YTHDC2: variants seen among roughly 807,000 people sequenced by gnomAD.
YTHDC2 encodes YTH N6-methyladenosine RNA binding protein C2.
In YTHDC2, 45 loss-of-function variants were observed where a neutral mutation model predicts 174.9. The ratio of observed to expected loss-of-function variants is 0.26; its 90% confidence interval spans 0.20 to 0.33. The LOEUF (loss-of-function observed/expected upper bound fraction) is 0.33. YTHDC2 is among the 10% of genes least tolerant of loss of function. The pLI, the probability that YTHDC2 is intolerant of heterozygous loss-of-function variation, is 1.00. For missense variants in YTHDC2, 1,650 were observed against 1,723.7 expected (o/e 0.96, Z 0.76); for synonymous variants, 657 against 574.5 (o/e 1.14, Z -2.05).
chr5:113,589,976 A>G (rs1169838388), intron 26 of YTHDC2, among the ~76,000 whole-genome samples: 1 of 152,150 alleles, frequency 6.6e-6, no homozygotes, highest in Non-Finnish European at 1.5e-5. Flanking sequence ...ATGCAAGTAC[A>G]AATTTTATAT....
intron 27 of YTHDC2, 71 bp downstream of exon 27, chr5:113,591,315 AC>A: frequency 6.7e-7 from 1 of 1,501,096 alleles, no homozygotes; most frequent in African/African-American, 1.4e-5. Context: ...TTTTAGAAAA[AC>A]AACTGGCTTT....
intron 9 of YTHDC2, among the ~76,000 whole-genome samples, chr5:113,541,734 T>C (rs1054889296): frequency 2.0e-5 from 3 of 152,092 alleles, no homozygotes; most frequent in African/African-American, 7.2e-5. Flanking sequence ...TAAAAATTGG[T>C]AATAAAAATT....
In YTHDC2 at chr5:113,569,578, C is replaced by T. The variant is rs143992855; in HGVS notation, c.3244+1729C>T. On this transcript the variant is annotated intron_variant, in intron 23 of 29. Transcript: ENST00000161863. ...TCTGCATATAGCTAACCAGTTCTTT[C>T]AGCACCATTTGTTAAATAAGGAGTC... Among the ~76,000 whole-genome samples the T allele has an allele frequency of 3.0e-3, 461 of 152,324 alleles. 3 individuals are homozygous for T. The highest frequency in any genetic ancestry group is 0.01 in the African/African-American group (428 of 41,582).
Position 113,591,118 on chromosome 5 carries a change from T to G in YTHDC2, c.3903T>G (p.Leu1301=), listed in dbSNP as rs143247833. The change falls in exon 27 of 30, where the codon CTT becomes CTG. Residue 1301 remains leucine (L), a synonymous_variant. Transcript: ENST00000161863. ...FIMKSSNLRN[L]EISQQKGIWS... ...TGAAGAGTAGCAATTTGAGAAACCT[T>G]GAAATTTCTCAACAGAAGGGTATCT... is the stretch of plus-strand genomic sequence containing the variant. 1 of 1,613,916 alleles carries G rather than the reference T, an allele frequency of 6.2e-7. No homozygotes were observed. Among genetic ancestry groups the G allele is most frequent in the Non-Finnish European group, 8.5e-7 (1 of 1,179,876 alleles).
Position 113,553,806 on chromosome 5 carries a change from C to G in YTHDC2, c.2004C>G (p.Ser668=). Reference sequence around the variant, plus strand: ...TGCTTCATTCAAATATGCAAACATCCGATCAAAAGAAAGTATTAAAAAACC... The same window carrying G: ...TGCTTCATTCAAATATGCAAACATCGGATCAAAAGAAAGTATTAAAAAACC... ...VFMLHSNMQT[S]DQKKVLKNPP... is the part of the protein sequence containing the mutation. Residue 668 remains serine (S), a synonymous_variant, in exon 15 of 30, where the codon TCC becomes TCG. Transcript: ENST00000161863. 1 of 1,612,208 alleles carries G rather than the reference C, an allele frequency of 6.2e-7. No homozygotes were observed. The highest frequency in any genetic ancestry group is 8.5e-7 in the Non-Finnish European group (1 of 1,179,294).
chr5:113,529,223 G>A (rs1023349628), intron 4 of YTHDC2, among the ~76,000 whole-genome samples: 1 of 152,064 alleles, frequency 6.6e-6, no homozygotes, highest in Non-Finnish European at 1.5e-5. Context: ...AGACATGGAG[G>A]TTTTATCTTT....
At chr5:113,533,414 T>C (rs948622190) in intron 5 of YTHDC2, among the ~76,000 whole-genome samples, 2 of 150,970 alleles carry the variant, frequency 1.3e-5, no homozygotes, top group African/African-American at 4.9e-5. Context: ...CCGGGCTTGG[T>C]GGTGCATGCC....
Position 113,579,656 on chromosome 5 carries a change from G to A in YTHDC2, c.3315G>A (p.Leu1105=). ...AAACTACAGCTAATTTGGCAGCCTT[G>A]AAACTTGATGAGTGGCTCCATTTCA... The part of the protein sequence containing the change: ...EDKTTANLAA[L]KLDEWLHFTL... Residue 1105 remains leucine (L), a synonymous_variant, in exon 24 of 30, where the codon TTG becomes TTA. Coordinates refer to ENST00000161863, the MANE Select transcript of YTHDC2 (RefSeq NM_022828.5). The A allele has an allele frequency of 1.2e-6, 2 of 1,610,326 alleles. No homozygotes were observed. Among genetic ancestry groups the A allele is most frequent in the Non-Finnish European group, 1.7e-6 (2 of 1,177,982 alleles).
chr5:113,514,143 C>G lies in YTHDC2; in HGVS notation c.187+61C>G, dbSNP rs933597535. On this transcript the variant is annotated intron_variant, in intron 1 of 29. Coordinates refer to ENST00000161863, the MANE Select transcript of YTHDC2 (RefSeq NM_022828.5). Reference sequence around the variant, plus strand: ...GATACCCCCCTCACCCCAGCGCCCCCCAAACGGCGGCCCACCGAGTGATGG... The same window carrying G: ...GATACCCCCCTCACCCCAGCGCCCCGCAAACGGCGGCCCACCGAGTGATGG... The G allele has an allele frequency of 2.7e-5, 42 of 1,550,246 alleles. No individual in the cohort carries two copies. The African/African-American group carries it at 4.1e-4, about 15-fold the overall frequency.
At chr5:113,524,676 A>C (rs1233469649) in intron 2 of YTHDC2, among the ~76,000 whole-genome samples, 1 of 152,124 alleles carries the variant, frequency 6.6e-6, no homozygotes, top group Non-Finnish European at 1.5e-5. Context: ...TATCATATTA[A>C]CTGGTGATGT....
chr5:113,577,477 C>T lies in YTHDC2; in HGVS notation c.3245-2109C>T, dbSNP rs113054342. ...CTCTGTCTCCCAGGCTCAAGTGATC[C>T]TCCCACCTCAGTCTCTCGAGTAGCT... On this transcript the variant is annotated intron_variant, in intron 23 of 29. Transcript: ENST00000161863. 2.1e-3 allele frequency among the ~76,000 whole-genome samples: 313 copies of T among 152,224 alleles called. 2 individuals carry two copies. Among genetic ancestry groups the T allele is most frequent in the African/African-American group, 7.1e-3 (294 of 41,548 alleles).
chr5:113,578,985 AT>A (rs1184202025), intron 23 of YTHDC2, among the ~76,000 whole-genome samples: 1 of 151,892 alleles, frequency 6.6e-6, no homozygotes, highest in Admixed American at 6.6e-5. Flanking sequence ...TTATAATCTC[AT>A]TTTCACCTAA....
intron 26 of YTHDC2, among the ~76,000 whole-genome samples, chr5:113,590,439 G>T (rs953299360): frequency 3.2e-4 from 48 of 152,222 alleles, no homozygotes; most frequent in Non-Finnish European, 6.8e-4. Flanking sequence ...GGAATTGTTT[G>T]GTCTACTTGT....
rs367986446 is a variant in YTHDC2, at chr5:113,593,671, A to G, written c.*197A>G. The stretch of plus-strand genomic sequence containing the variant: ...TTTATAGTGATTATAGAGAATGATT[A>G]TATGATGTTTGTAATGAATAAAATA... On this transcript the variant is annotated 3_prime_UTR_variant, in exon 30 of 30. Coordinates refer to ENST00000161863, the MANE Select transcript of YTHDC2 (RefSeq NM_022828.5). The G allele has an allele frequency of 3.1e-4, 68 of 217,016 alleles. No individual in the cohort carries two copies. In the East Asian group the frequency reaches 4.0e-3, roughly 13 times the overall value. The allele number at this position is 217,016 out of a possible 1,614,324, so 13.4% of individuals were successfully genotyped here.
intron 5 of YTHDC2, among the ~76,000 whole-genome samples, chr5:113,533,300 TG>T (rs750161500): frequency 7.3e-4 from 111 of 151,960 alleles, no homozygotes; most frequent in Admixed American, 1.7e-3. Flanking sequence ...CCCAGTACTT[TG>T]GGAGGCCGAG....
Position 113,579,659 on chromosome 5 carries a change from A to T in YTHDC2, c.3318A>T (p.Lys1106Asn). ...CTACAGCTAATTTGGCAGCCTTGAA[A>T]CTTGATGAGTGGCTCCATTTCACAC... The part of the protein sequence containing the change: ...DKTTANLAAL[K>N]LDEWLHFTLE... The change falls in exon 24 of 30, where the codon AAA becomes AAT. Residue 1106 changes from lysine (K) to asparagine (N), a missense_variant. By Grantham distance (94) the Lys-to-Asn change is moderately conservative. This residue lies in a region of YTHDC2 where 913 missense variants were observed against 940.4 expected (regional missense o/e 0.97). Coordinates refer to ENST00000161863, the MANE Select transcript of YTHDC2 (RefSeq NM_022828.5). 6.2e-7 allele frequency: 1 copy of T among 1,610,146 alleles called. No individual in the cohort carries two copies. Among genetic ancestry groups the T allele is most frequent in the East Asian group, 2.2e-5 (1 of 44,588 alleles).
chr5:113,591,281 G>A, intron 27 of YTHDC2, 37 bp downstream of exon 27: 1 of 1,602,734 alleles, frequency 6.2e-7, no homozygotes. Flanking sequence ...GGGTTGTTCT[G>A]GCTATAGGTT....
At position 113,567,697 on chromosome 5, in the gene YTHDC2, C is replaced by T. The variant is rs756261184; in HGVS notation, c.3092C>T (p.Pro1031Leu). The change falls in exon 23 of 30, where the codon CCC (proline) becomes CTC (leucine). Residue 1031 changes from proline (P) to leucine (L), a missense_variant. Transcript: ENST00000161863. ...CAAGCTGCAGCAATTAAGGCACTGC[C>T]CACAGATTGGCTTATTTATGATGAA... ...NGQAAAIKAL[P>L]TDWLIYDEMT... 3 of 1,607,382 alleles carry T rather than the reference C, an allele frequency of 1.9e-6. No individual in the cohort carries two copies. Among genetic ancestry groups the T allele is most frequent in the South Asian group, 2.2e-5 (2 of 89,546 alleles).
At chr5:113,569,882 T>C (rs2112746085) in intron 23 of YTHDC2, among the ~76,000 whole-genome samples, 1 of 152,094 alleles carries the variant, frequency 6.6e-6, no homozygotes, top group East Asian at 1.9e-4. Context: ...GTGAAGACTG[T>C]CAGTATAATG....
Sources: allele counts gnomAD v4.1 joint callset (sites outside exome capture counted in the v4.1 genomes callset), GRCh38; gene constraint gnomAD v4.1.1; regional missense constraint gnomAD v4.1.1; transcripts MANE v1.5; gene names NCBI Gene and HGNC (gene_info 2026-07-23, HGNC 2026-07-21).